Variants in THEMIS observed in about 807,000 individuals in gnomAD.
THEMIS encodes the protein protein THEMIS.
In THEMIS, 37 loss-of-function variants were observed where a neutral mutation model predicts 52.6. The ratio of observed to expected loss-of-function variants is 0.70; its 90% CI spans 0.54 to 0.93. The LOEUF is 0.93. THEMIS is among the 40% of genes least tolerant of loss of function. The pLI is 0.00. For missense variants in THEMIS, 808 were observed against 763.1 expected (o/e 1.06, Z -0.69); for synonymous variants, 292 against 272.7 (o/e 1.07, Z -0.70).
At chr6:127,843,768 A>G (rs1316083770) in intron 2 of THEMIS, among the ~76,000 whole-genome samples, 1 of 151,870 alleles carries the variant, frequency 6.6e-6, no homozygotes, top group Non-Finnish European at 1.5e-5. Context: ...TAGGCCATAG[A>G]AGACTGGTTT....
intron 5 of THEMIS, among the ~76,000 whole-genome samples, chr6:127,713,039 G>A (rs1211663950): frequency 2.0e-5 from 3 of 151,836 alleles, no homozygotes; most frequent in Non-Finnish European, 4.4e-5. Context: ...ATGTGATGGT[G>A]AACACTCAAA....
At chr6:127,736,804 A>G (rs559713644) in intron 4 of THEMIS, among the ~76,000 whole-genome samples, 1 of 148,922 alleles carries the variant, frequency 6.7e-6, no homozygotes, top group South Asian at 2.1e-4. Flanking sequence ...AAGAAGGATT[A>G]TCCCAGTTTT....
intron 1 of THEMIS, among the ~76,000 whole-genome samples, chr6:127,856,589 C>A (rs753818077): frequency 1.3e-5 from 2 of 151,956 alleles, no homozygotes; most frequent in African/African-American, 2.4e-5. Flanking sequence ...ACATTACTGT[C>A]CTTATCTGAG....
chr6:127,785,916 C>G (rs1776932648), intron 4 of THEMIS, among the ~76,000 whole-genome samples: 1 of 152,002 alleles, frequency 6.6e-6, no homozygotes, highest in African/African-American at 2.4e-5. Flanking sequence ...TTCCCATTTT[C>G]TTTTTCTGAC....
intron 1 of THEMIS, among the ~76,000 whole-genome samples, chr6:127,916,024 GT>G (rs1386191115): frequency 1.3e-5 from 2 of 151,876 alleles, no homozygotes; most frequent in East Asian, 1.9e-4. Flanking sequence ...GAGCAAATTT[GT>G]TTTTTCCCCC....
intron 4 of THEMIS, among the ~76,000 whole-genome samples, chr6:127,794,658 T>A (rs1006043031): frequency 6.6e-6 from 1 of 152,216 alleles, no homozygotes; most frequent in Non-Finnish European, 1.5e-5. Context: ...CTTTCCTCTG[T>A]CTGGAACATT....
chr6:127,841,336 A>C (rs1779041300), intron 2 of THEMIS, among the ~76,000 whole-genome samples: 1 of 152,094 alleles, frequency 6.6e-6, no homozygotes, highest in Admixed American at 6.6e-5. Context: ...CAGAAGATCC[A>C]ATTGTTTAAG....
chr6:127,839,768 C>A (rs1013429671), intron 2 of THEMIS, among the ~76,000 whole-genome samples: 1 of 152,042 alleles, frequency 6.6e-6, no homozygotes, highest in Non-Finnish European at 1.5e-5. Flanking sequence ...AAAACAAACA[C>A]CCTTATAAGA....
intron 1 of THEMIS, among the ~76,000 whole-genome samples, chr6:127,892,061 C>A (rs571197413): frequency 1.3e-5 from 2 of 152,156 alleles, no homozygotes; most frequent in Non-Finnish European, 2.9e-5. Context: ...TCCCTGACCA[C>A]ATTAGTTTAC....
chr6:127,864,842 A>G (rs761243722), intron 1 of THEMIS, among the ~76,000 whole-genome samples: 7 of 152,178 alleles, frequency 4.6e-5, no homozygotes, highest in Admixed American at 2.0e-4. Flanking sequence ...GAAGTCAGAA[A>G]AGCTGTTATA....
intron 3 of THEMIS, among the ~76,000 whole-genome samples, chr6:127,817,217 G>A (rs1446207118): frequency 6.6e-6 from 1 of 151,974 alleles, no homozygotes; most frequent in Non-Finnish European, 1.5e-5. Flanking sequence ...GTGGCACCTG[G>A]CGTATAGTAG....
At chr6:127,834,152 C>T (rs1467223659) in intron 2 of THEMIS, among the ~76,000 whole-genome samples, 1 of 152,002 alleles carries the variant, frequency 6.6e-6, no homozygotes, top group East Asian at 1.9e-4. Flanking sequence ...AAATGATACA[C>T]AGTAATTTAA....
At chr6:127,787,860 T>C (rs1454253640) in intron 4 of THEMIS, among the ~76,000 whole-genome samples, 10 of 129,076 alleles carry the variant, frequency 7.7e-5, no homozygotes, top group South Asian at 5.0e-4. Flanking sequence ...TATAGATAGA[T>C]AGATAGATAG....
intron 4 of THEMIS, among the ~76,000 whole-genome samples, chr6:127,794,864 T>A (rs1777275212): frequency 6.6e-6 from 1 of 152,144 alleles, no homozygotes; most frequent in Non-Finnish European, 1.5e-5. Flanking sequence ...ATCATTTACT[T>A]CCAAGACAAA....
At chr6:127,909,345 G>A (rs1203253833) in intron 1 of THEMIS, among the ~76,000 whole-genome samples, 2 of 152,096 alleles carry the variant, frequency 1.3e-5, no homozygotes, top group Non-Finnish European at 2.9e-5. Context: ...GTGGGACCAG[G>A]TAGAGACAGT....
chr6:127,712,425 T>C (rs1172733194), intron 5 of THEMIS, among the ~76,000 whole-genome samples: 1 of 151,894 alleles, frequency 6.6e-6, no homozygotes, highest in Non-Finnish European at 1.5e-5. Flanking sequence ...GCATACTACC[T>C]TTCAGGAAAT....
intron 4 of THEMIS, among the ~76,000 whole-genome samples, chr6:127,798,406 A>T (rs1172728174): frequency 6.6e-6 from 1 of 152,260 alleles, no homozygotes; most frequent in East Asian, 1.9e-4. Context: ...CACATTGTGC[A>T]GGTTAGTTAC....
chr6:127,851,789 T>C (rs1779434690), intron 2 of THEMIS, among the ~76,000 whole-genome samples: 1 of 151,752 alleles, frequency 6.6e-6, no homozygotes, highest in African/African-American at 2.4e-5. Context: ...TGGCAGTTTC[T>C]TTAAACTAAA....
At chr6:127,869,559 T>A (rs74540104) in intron 1 of THEMIS, among the ~76,000 whole-genome samples, 1,975 of 152,338 alleles carry the variant, frequency 0.013, 42 homozygotes, top group African/African-American at 0.045. Flanking sequence ...GGGGGCTGTC[T>A]GTATTTGCGG....
Sources: allele counts gnomAD v4.1 joint callset (sites outside exome capture counted in the v4.1 genomes callset), GRCh38; gene constraint gnomAD v4.1.1; transcripts MANE v1.5; gene names NCBI Gene and HGNC (gene_info 2026-07-23, HGNC 2026-07-21).